STAB2: variants seen among roughly 807,000 people sequenced by gnomAD.
STAB2 encodes the protein stabilin-2.
In STAB2, 288 loss-of-function variants were observed where a neutral mutation model predicts 338.1. The ratio of observed to expected loss-of-function variants is 0.85; its 90% CI spans 0.77 to 0.94. The LOEUF (loss-of-function observed/expected upper bound fraction) is 0.94, where lower values mean the gene tolerates loss of function less well. Among genes scored for constraint, STAB2 ranks in the 40% least tolerant of loss-of-function variants. The pLI, the probability that STAB2 is intolerant of heterozygous loss-of-function variation, is 0.00. For synonymous variants in STAB2, 1,202 were observed against 1,193.3 expected (o/e 1.01, Z -0.15); for missense variants, 3,141 against 3,210.1 (o/e 0.98, Z 0.52).
At chr12:103,635,428 T>C (rs1957528949) in intron 6 of STAB2, among the ~76,000 whole-genome samples, 1 of 152,212 alleles carries the variant, frequency 6.6e-6, no homozygotes, top group African/African-American at 2.4e-5. Context: ...AAAACAGCTT[T>C]TCTCTGTTTC....
In STAB2 at chr12:103,590,935, G is replaced by A. The variant is rs1314351449; in HGVS notation, c.120G>A (p.Arg40=). ...RCDRKSLLTI[R]TECRSCALNL... is the part of the protein sequence containing the mutation. ...ATAGGAAGTCTCTTCTTACAATTAG[G>A]ACCGAGTGCCGATCCTGCGCTCTCA... The change falls in exon 2 of 69, where the codon AGG becomes AGA. Residue 40 remains arginine (R), a synonymous_variant. Transcript: ENST00000388887. The A allele has an allele frequency of 6.2e-6, 10 of 1,613,914 alleles. No homozygotes were observed. Among genetic ancestry groups the A allele is most frequent in the Non-Finnish European group, 8.5e-6 (10 of 1,180,000 alleles).
chr12:103,625,346 T>C (rs1183339655), intron 5 of STAB2, among the ~76,000 whole-genome samples: 1 of 152,160 alleles, frequency 6.6e-6, no homozygotes, highest in Non-Finnish European at 1.5e-5. Flanking sequence ...AAAGGGAGAA[T>C]GATGGTCTCA....
chr12:103,704,497 G>A, intron 35 of STAB2, 61 bp from the exon 36 acceptor site: 3 of 1,536,900 alleles, frequency 2.0e-6, no homozygotes, highest in Non-Finnish European at 2.7e-6. Flanking sequence ...CCAAGTTCTG[G>A]ACATGCAGCT....
chr12:103,756,257 A>T (rs1311402665), intron 63 of STAB2, among the ~76,000 whole-genome samples: 1 of 152,242 alleles, frequency 6.6e-6, no homozygotes, highest in Admixed American at 6.5e-5. Flanking sequence ...GCGAAGAGAA[A>T]GCCTCATCTG....
At chr12:103,619,747 A>ATGCCCCCC (rs1957266973) in intron 3 of STAB2, among the ~76,000 whole-genome samples, 1 of 145,112 alleles carries the variant, frequency 6.9e-6, no homozygotes, top group Non-Finnish European at 1.5e-5. Context: ...CTCATCAGCA[A>ATGCCCCCC]CGCCCCCCGC....
intron 5 of STAB2, among the ~76,000 whole-genome samples, chr12:103,629,548 G>C (rs1957428518): frequency 6.6e-6 from 1 of 152,224 alleles, no homozygotes; most frequent in Admixed American, 6.5e-5. Context: ...AGATTGTTTG[G>C]AGACCACTGA....
Position 103,705,744 on chromosome 12 carries a change from A to T in STAB2, c.3996+17A>T. On this transcript the variant is annotated intron_variant, in intron 37 of 68. Transcript: ENST00000388887. ...ACCGTCATTGTGAGTACAATAATTG[A>T]ATCATACTAACTACTGCAGCACCAT... 6.2e-7 allele frequency: 1 copy of T among 1,610,096 alleles called. No homozygotes were observed. The highest frequency in any genetic ancestry group is 8.5e-7 in the Non-Finnish European group (1 of 1,176,272).
In STAB2 at chr12:103,766,332, T is replaced by C. The variant is rs749470281; in HGVS notation, c.7652T>C (p.Leu2551Pro). The change falls in exon 69 of 69, where the codon CTG (leucine) becomes CCG (proline). Residue 2551 changes from leucine (L) to proline (P), a missense_variant. Leu to Pro is a moderately conservative substitution (Grantham distance 98). Coordinates refer to ENST00000388887, the MANE Select transcript of STAB2 (RefSeq NM_017564.10). Reference protein sequence around the residue: ...QLEGNDPLRTL With the variant: ...QLEGNDPLRTP ...GAGGGCAATGACCCCTTGAGGACAC[T>C]GTGAGGGCCTGGACGGGAGATGCCA... 1.2e-6 allele frequency: 2 copies of C among 1,611,556 alleles called. No individual in the cohort carries two copies. The highest frequency in any genetic ancestry group is 1.3e-5 in the African/African-American group (1 of 75,018).
chr12:103,692,913 C>T (rs752679551), intron 31 of STAB2, 24 bp downstream of exon 31: 26 of 1,587,070 alleles, frequency 1.6e-5, no homozygotes, highest in Admixed American at 8.4e-5. Flanking sequence ...TTCTCCTGTG[C>T]GTGCAGCATC....
chr12:103,593,522 C>A (rs1232088048), intron 2 of STAB2, among the ~76,000 whole-genome samples: 1 of 152,156 alleles, frequency 6.6e-6, no homozygotes, highest in Non-Finnish European at 1.5e-5. Context: ...TCTCCTTCTG[C>A]CCACCTTCGT....
chr12:103,730,757 G>T (rs895292655), intron 49 of STAB2, among the ~76,000 whole-genome samples: 1 of 152,142 alleles, frequency 6.6e-6, no homozygotes, highest in African/African-American at 2.4e-5. Context: ...TCTACAAAGG[G>T]TAGACACCTG....
At chr12:103,645,474 A>G (rs549744044) in intron 9 of STAB2, among the ~76,000 whole-genome samples, 104 of 152,368 alleles carry the variant, frequency 6.8e-4, no homozygotes, top group Non-Finnish European at 1.1e-3. Flanking sequence ...AGAAACTTTT[A>G]CAGAGAAACA....
intron 54 of STAB2, among the ~76,000 whole-genome samples, chr12:103,739,980 G>C (rs976950944): frequency 6.6e-6 from 1 of 152,174 alleles, no homozygotes; most frequent in African/African-American, 2.4e-5. Flanking sequence ...TAATGTTTAA[G>C]TCAATGAAAT....
rs777832679 is a variant in STAB2 at position 103,670,656 on chromosome 12, A to T, written c.2260-40A>T. ...CATGAAATGAAAACACCTGAGAACT[A>T]TGTGTCCTAATGGCCCATGGGCCCT... On this transcript the variant is annotated intron_variant, in intron 21 of 68. Coordinates refer to ENST00000388887, the MANE Select transcript of STAB2 (RefSeq NM_017564.10). 3 of 1,494,772 alleles carry T rather than the reference A, an allele frequency of 2.0e-6. No homozygotes were observed. The South Asian group carries it at 3.4e-5, about 17-fold the overall frequency. 92.6% of individuals were successfully genotyped at this position (1,494,772 alleles called of 1,614,324 possible).
chr12:103,664,239 G>T (rs2138783266), intron 18 of STAB2, among the ~76,000 whole-genome samples: 1 of 152,274 alleles, frequency 6.6e-6, no homozygotes, highest in South Asian at 2.1e-4. Flanking sequence ...TGCCTCCCGG[G>T]TTCATGCCAT....
Position 103,690,520 on chromosome 12 carries a change from C to T in STAB2, c.3279C>T (p.His1093=). The T allele has an allele frequency of 6.2e-7, 1 of 1,614,060 alleles. No individual in the cohort carries two copies. The highest frequency in any genetic ancestry group is 8.5e-7 in the Non-Finnish European group (1 of 1,179,924). The stretch of plus-strand genomic sequence containing the variant: ...CATCTTTGCAGGGCAACTTCCTTCA[C>T]TTGGCAAAGGTGGATGGGGTAAGAG... ...LATSLQGNFL[H]LAKVDGNITI... The change falls in exon 30 of 69, where the codon CAC becomes CAT. Residue 1093 remains histidine, a synonymous_variant. Coordinates refer to ENST00000388887, the MANE Select transcript of STAB2 (RefSeq NM_017564.10).
At chr12:103,707,823 T>C (rs1879500405) in intron 38 of STAB2, among the ~76,000 whole-genome samples, 1 of 152,254 alleles carries the variant, frequency 6.6e-6, no homozygotes, top group Non-Finnish European at 1.5e-5. Context: ...GGCCATATAA[T>C]ATTTACTTGG....
In STAB2 at chr12:103,704,895, C is replaced by T. The variant is rs572427901; in HGVS notation, c.3900+281C>T. The T allele has an allele frequency of 3.9e-4, 98 of 252,170 alleles. 1 individual carries two copies. The highest frequency in any genetic ancestry group is 2.1e-3 in the African/African-American group (94 of 44,490). 15.6% of individuals were successfully genotyped at this position (252,170 alleles called of 1,614,324 possible). ...TCATATCCTAGTAGCCAGTTGAGGA[C>T]CGCAGCAAGAAATCTTGTCAGAGAA... On this transcript the variant is annotated intron_variant, in intron 36 of 68. Coordinates refer to ENST00000388887, the MANE Select transcript of STAB2 (RefSeq NM_017564.10).
chr12:103,725,602 A>C (rs1881125187), intron 45 of STAB2, among the ~76,000 whole-genome samples: 1 of 150,868 alleles, frequency 6.6e-6, no homozygotes, highest in Non-Finnish European at 1.5e-5. Flanking sequence ...GCATGTGTGT[A>C]CGTGTGTGTG....
Sources: allele counts gnomAD v4.1 joint callset (sites outside exome capture counted in the v4.1 genomes callset), GRCh38; gene constraint gnomAD v4.1.1; transcripts MANE v1.5; gene names NCBI Gene and HGNC (gene_info 2026-07-23, HGNC 2026-07-21).